WDR27: variants seen among roughly 807,000 people sequenced by gnomAD.
WDR27 encodes WD repeat domain 27, also known as WD repeat-containing protein 27.
Under a neutral mutation model 114.4 loss-of-function variants are expected in WDR27, and 100 were observed. The observed-to-expected ratio is 0.87, with a 90% CI of 0.74 to 1.03. The LOEUF (loss-of-function observed/expected upper bound fraction) is 1.03. Ranked by LOEUF, WDR27 falls within the 50% of genes least tolerant of loss-of-function variation. WDR27 has a pLI of 0.00. For synonymous variants in WDR27, 449 were observed against 423.1 expected, an observed-to-expected ratio of 1.06 and a Z score of -0.75; for missense variants, 1,129 against 1,092.9, an observed-to-expected ratio of 1.03 and a Z score of -0.47.
intron 23 of WDR27, among the ~76,000 whole-genome samples, chr6:169,594,514 C>A (rs985777907): frequency 6.6e-6 from 1 of 152,186 alleles, no homozygotes; most frequent in Non-Finnish European, 1.5e-5. Context: ...GAGACAGATA[C>A]GTTAGTCTCC....
Position 169,556,116 on chromosome 6 carries a change from G to A in WDR27, c.2645+16303C>T, listed in dbSNP as rs141384836. On this transcript the variant is annotated intron_variant, in intron 25 of 25. Coordinates refer to ENST00000448612, the MANE Select transcript of WDR27 (RefSeq NM_182552.5). Reference sequence around the variant, plus strand: ...GTTGCATCCTGCTGGAGTCTCTCTCGCTTGCTGGCTGTGAGGAGGCATGTG... The same window carrying A: ...GTTGCATCCTGCTGGAGTCTCTCTCACTTGCTGGCTGTGAGGAGGCATGTG... 6.6e-3 allele frequency among the ~76,000 whole-genome samples: 1,004 copies of A among 152,240 alleles called. 4 individuals are homozygous for A. The highest frequency in any genetic ancestry group is 0.011 in the Non-Finnish European group (766 of 68,008).
chr6:169,625,791 T>A (rs1814662160), intron 21 of WDR27, among the ~76,000 whole-genome samples: 1 of 152,284 alleles, frequency 6.6e-6, no homozygotes, highest in Non-Finnish European at 1.5e-5. Flanking sequence ...GGATGCCCCG[T>A]GCTCCACGTT....
the WDR27 span, among the ~76,000 whole-genome samples, chr6:169,441,404 T>C: frequency 6.6e-6 from 1 of 152,218 alleles, no homozygotes. Context: ...TGAAGTTAAC[T>C]TGTCCACCTA....
At chr6:169,484,953 T>C (rs1195152168) in intron 25 of WDR27, among the ~76,000 whole-genome samples, 1 of 152,146 alleles carries the variant, frequency 6.6e-6, no homozygotes, top group Admixed American at 6.5e-5. Flanking sequence ...GGTGCTGGGA[T>C]AAGTGGCTAG....
At chr6:169,432,443 A>G in the WDR27 span, among the ~76,000 whole-genome samples, 5 of 152,216 alleles carry the variant, frequency 3.3e-5, no homozygotes, top group Admixed American at 6.5e-5. Context: ...CATAATTCCC[A>G]TATGTTGTAG....
At chr6:169,655,032 G>A (rs1823732308) in intron 13 of WDR27, among the ~76,000 whole-genome samples, 1 of 152,172 alleles carries the variant, frequency 6.6e-6, no homozygotes, top group African/African-American at 2.4e-5. Context: ...GACACATCAC[G>A]CTGGTGGGTT....
chr6:169,459,553 A>C (rs1784674475), intron 25 of WDR27, among the ~76,000 whole-genome samples: 1 of 151,584 alleles, frequency 6.6e-6, no homozygotes, highest in Admixed American at 6.6e-5. Flanking sequence ...ACATTTATAT[A>C]TGTATATAAA....
intron 1 of WDR27, among the ~76,000 whole-genome samples, chr6:169,691,438 T>C (rs547599165): frequency 6.6e-6 from 1 of 152,270 alleles, no homozygotes; most frequent in African/African-American, 2.4e-5. Flanking sequence ...AGTTACTCAG[T>C]AGACTCTGTA....
At position 169,690,817 on chromosome 6, in the gene WDR27, G is replaced by A. The variant is rs142183818; in HGVS notation, c.-7-1805C>T. On this transcript the variant is annotated intron_variant, in intron 1 of 25. Coordinates refer to ENST00000448612, the MANE Select transcript of WDR27 (RefSeq NM_182552.5). Reference sequence around the variant, plus strand: ...GACCGTTCAGTACCACCTCTGTGCTGCGGGCGGGGCAGCAGTAACAATTTC... The same window carrying A: ...GACCGTTCAGTACCACCTCTGTGCTACGGGCGGGGCAGCAGTAACAATTTC... Among the ~76,000 whole-genome samples the A allele has an allele frequency of 1.6e-3, 248 of 152,334 alleles. 1 individual carries two copies. The highest frequency in any genetic ancestry group is 5.7e-3 in the African/African-American group (237 of 41,584).
intron 16 of WDR27, chr6:169,647,501 C>G (rs911127691): frequency 1.3e-5 from 7 of 538,004 alleles, no homozygotes; most frequent in Non-Finnish European, 2.3e-5. Flanking sequence ...CCCGGAGGAG[C>G]TGGACACAGA....
At chr6:169,472,799 G>C (rs1015228202) in intron 25 of WDR27, among the ~76,000 whole-genome samples, 7 of 152,166 alleles carry the variant, frequency 4.6e-5, no homozygotes, top group African/African-American at 1.4e-4. Flanking sequence ...TTTCATGTTG[G>C]AGTGAAACTG....
intron 23 of WDR27, among the ~76,000 whole-genome samples, chr6:169,598,388 C>T (rs1160972537): frequency 6.6e-6 from 1 of 152,200 alleles, no homozygotes; most frequent in African/African-American, 2.4e-5. Flanking sequence ...TCTGCATAAT[C>T]ACACAGCACA....
chr6:169,562,667 G>A lies in WDR27; in HGVS notation c.2645+9752C>T, dbSNP rs78772839. ...GGGCACAGGATAGGGGAGATTGGAG[G>A]GGACATGGGGAGGGCACATGGGCAT... is the stretch of plus-strand genomic sequence containing the variant. On this transcript the variant is annotated intron_variant, in intron 25 of 25. Transcript: ENST00000448612. 7.9e-3 allele frequency among the ~76,000 whole-genome samples: 1,201 copies of A among 152,280 alleles called. 14 individuals are homozygous for A. Among genetic ancestry groups the A allele is most frequent in the African/African-American group, 0.027 (1,133 of 41,552 alleles).
intron 1 of WDR27, among the ~76,000 whole-genome samples, chr6:169,699,475 C>G (rs949019874): frequency 3.9e-5 from 6 of 152,174 alleles, no homozygotes; most frequent in African/African-American, 1.4e-4. Flanking sequence ...GAGATACACA[C>G]AGACCAGAAG....
intron 25 of WDR27, among the ~76,000 whole-genome samples, chr6:169,529,035 T>C (rs1488740680): frequency 1.3e-5 from 2 of 152,182 alleles, no homozygotes; most frequent in Admixed American, 6.5e-5. Context: ...ACAGAGATGC[T>C]TATCATAGCG....
At chr6:169,585,437 T>G (rs964704868) in intron 23 of WDR27, among the ~76,000 whole-genome samples, 1 of 152,164 alleles carries the variant, frequency 6.6e-6, no homozygotes, top group Non-Finnish European at 1.5e-5. Context: ...AGTCTACAAA[T>G]AAATGTCTGA....
chr6:169,476,418 T>C (rs1180476510), intron 25 of WDR27, among the ~76,000 whole-genome samples: 2 of 152,258 alleles, frequency 1.3e-5, no homozygotes, highest in African/African-American at 4.8e-5. Context: ...ATGTGCTTAA[T>C]GCAATGCTCC....
chr6:169,504,439 G>A (rs138561833), intron 25 of WDR27, among the ~76,000 whole-genome samples: 227 of 152,188 alleles, frequency 1.5e-3, no homozygotes, highest in African/African-American at 4.3e-3. Context: ...TTTATAAATG[G>A]CTGCCACCAT....
At chr6:169,635,303 T>C (rs1057204097) in intron 19 of WDR27, among the ~76,000 whole-genome samples, 1 of 152,172 alleles carries the variant, frequency 6.6e-6, no homozygotes, top group Non-Finnish European at 1.5e-5. Context: ...GAGAATCCCA[T>C]GAACTCGGGA....
Sources: allele counts gnomAD v4.1 joint callset (sites outside exome capture counted in the v4.1 genomes callset), GRCh38; gene constraint gnomAD v4.1.1; transcripts MANE v1.5; gene names NCBI Gene and HGNC (gene_info 2026-07-23, HGNC 2026-07-21).